CSMD1: variants seen among roughly 807,000 people sequenced by gnomAD.
CSMD1 encodes CUB and sushi domain-containing protein 1.
In CSMD1, 213 loss-of-function variants were observed where a neutral mutation model predicts 417.5. The ratio of observed to expected loss-of-function variants is 0.51; its 90% CI spans 0.46 to 0.57. The LOEUF (loss-of-function observed/expected upper bound fraction) is 0.57, where lower values mean the gene tolerates loss of function less well. CSMD1 is among the 20% of genes least tolerant of loss of function. The pLI is 0.00. For missense variants in CSMD1, 6,923 were observed against 4,529.7 expected, an observed-to-expected ratio of 1.53 and a Z score of -15.17; for synonymous variants, 2,862 against 1,736.8, an observed-to-expected ratio of 1.65 and a Z score of -16.11.
At chr8:3,728,090 A>G (rs1802599079) in intron 6 of CSMD1, among the ~76,000 whole-genome samples, 1 of 152,194 alleles carries the variant, frequency 6.6e-6, no homozygotes, top group Admixed American at 6.5e-5. Flanking sequence ...CCCAAATCTC[A>G]TCTTGAATTG....
At chr8:3,273,252 T>C (rs534143849) in intron 26 of CSMD1, among the ~76,000 whole-genome samples, 1 of 151,998 alleles carries the variant, frequency 6.6e-6, no homozygotes, top group South Asian at 2.1e-4. Flanking sequence ...TTGCGTATAT[T>C]GAACTAGCCT....
intron 9 of CSMD1, among the ~76,000 whole-genome samples, chr8:3,577,002 G>A (rs1013099077): frequency 6.6e-6 from 1 of 152,136 alleles, no homozygotes; most frequent in African/African-American, 2.4e-5. Context: ...GGCATTGTCG[G>A]CCTGCATTTC....
chr8:3,707,182 G>A (rs552661391), intron 7 of CSMD1, among the ~76,000 whole-genome samples: 40 of 152,324 alleles, frequency 2.6e-4, no homozygotes, highest in Non-Finnish European at 4.7e-4. Flanking sequence ...AAGTGATAAA[G>A]ATGTAGGTCA....
At chr8:3,693,233 T>C (rs890690810) in intron 7 of CSMD1, among the ~76,000 whole-genome samples, 1 of 152,186 alleles carries the variant, frequency 6.6e-6, no homozygotes, top group Non-Finnish European at 1.5e-5. Flanking sequence ...ACAACAGGCA[T>C]AATATGTTCT....
chr8:3,500,755 T>C (rs571671102), intron 10 of CSMD1, among the ~76,000 whole-genome samples: 1 of 152,254 alleles, frequency 6.6e-6, no homozygotes, highest in South Asian at 2.1e-4. Flanking sequence ...AGGACATGGA[T>C]AACCATGGCA....
In CSMD1 at chr8:4,142,796, G is replaced by A. The variant is rs912552968; in HGVS notation, c.416-110697C>T. ...GCAAAACAGGCTTCAACAAAGTCTC[G>A]TATTTATTTTTAAAAGCCTAACAGA... is the stretch of plus-strand genomic sequence containing the variant. On this transcript the variant is annotated intron_variant, in intron 3 of 69. Coordinates refer to ENST00000635120, the MANE Select transcript of CSMD1 (RefSeq NM_033225.6). 8.0e-5 allele frequency among the ~76,000 whole-genome samples: 12 copies of A among 150,882 alleles called. 2 individuals are homozygous for A. Among genetic ancestry groups the A allele is most frequent in the Admixed American group, 2.0e-4 (3 of 15,184 alleles).
chr8:3,548,751 A>G (rs767893793), intron 10 of CSMD1, among the ~76,000 whole-genome samples: 21 of 151,020 alleles, frequency 1.4e-4, no homozygotes, highest in Non-Finnish European at 1.6e-4. Flanking sequence ...GGTTGTTTCT[A>G]AAGAGTAAGC....
chr8:3,149,509 C>T (rs767342484), intron 40 of CSMD1, among the ~76,000 whole-genome samples: 5 of 152,108 alleles, frequency 3.3e-5, no homozygotes, highest in Non-Finnish European at 7.3e-5. Flanking sequence ...GACAGAGTCT[C>T]GCTCTGTCAC....
chr8:3,911,585 G>A (rs1020494127), intron 5 of CSMD1, among the ~76,000 whole-genome samples: 1 of 151,324 alleles, frequency 6.6e-6, no homozygotes, highest in South Asian at 2.1e-4. Flanking sequence ...AACACCAGCT[G>A]GTCTTTATAT....
chr8:4,730,273 C>T (rs757616552), intron 1 of CSMD1, among the ~76,000 whole-genome samples: 6 of 152,014 alleles, frequency 3.9e-5, no homozygotes, highest in Non-Finnish European at 8.8e-5. Flanking sequence ...TCAGGGAACT[C>T]AGAACAACTG....
At chr8:3,381,502 T>G (rs1810623053) in intron 18 of CSMD1, among the ~76,000 whole-genome samples, 1 of 152,186 alleles carries the variant, frequency 6.6e-6, no homozygotes, top group South Asian at 2.1e-4. Flanking sequence ...CAGTTACACA[T>G]GAAGAAAACT....
At chr8:4,492,266 G>A (rs756072292) in intron 2 of CSMD1, among the ~76,000 whole-genome samples, 2 of 152,032 alleles carry the variant, frequency 1.3e-5, no homozygotes, top group Non-Finnish European at 2.9e-5. Context: ...ACGATTTAAT[G>A]TTTTGTCTAC....
In CSMD1 at chr8:4,994,767, C is replaced by G. The variant is rs934644395; in HGVS notation, c.-351G>C. On this transcript the variant is annotated 5_prime_UTR_variant, in exon 1 of 70. Transcript: ENST00000635120. ...GAGGAGCGCGCGCAGCCAGGAGAGA[C>G]CTGGAGAGGAGGCAGCTGGAGAGAG... The G allele has an allele frequency of 4.0e-6, 1 of 252,864 alleles. No homozygotes were observed. 15.7% of individuals were successfully genotyped at this position (252,864 alleles called of 1,614,324 possible).
In CSMD1 at chr8:3,168,115, G is replaced by A. The variant is rs148347917; in HGVS notation, c.5726-5838C>T. Among the ~76,000 whole-genome samples the A allele has an allele frequency of 3.1e-4, 47 of 151,918 alleles. No homozygotes were observed. The East Asian group carries it at 7.6e-3, about 24-fold the overall frequency. ...CAAAACAAAAAAGTTGATAAGCAGA[G>A]AGTGAGGGAAGCAGACCCATGTGAA... On this transcript the variant is annotated intron_variant, in intron 37 of 69. Transcript: ENST00000635120.
intron 3 of CSMD1, among the ~76,000 whole-genome samples, chr8:4,045,283 T>C (rs1015547835): frequency 2.6e-5 from 4 of 152,206 alleles, no homozygotes; most frequent in African/African-American, 7.2e-5. Flanking sequence ...TCCCCACATA[T>C]ACTACAGGAA....
At chr8:3,413,902 G>C (rs1247035690) in intron 12 of CSMD1, among the ~76,000 whole-genome samples, 4 of 151,972 alleles carry the variant, frequency 2.6e-5, no homozygotes, top group African/African-American at 9.7e-5. Flanking sequence ...ACTTTGGAAG[G>C]CCGAGGTGGG....
At position 3,091,623 on chromosome 8, in the gene CSMD1, C is replaced by G. The variant is rs1814955412; in HGVS notation, c.7178G>C (p.Gly2393Ala). 6.2e-7 allele frequency: 1 copy of G among 1,611,342 alleles called. No homozygotes were observed. ...AAAATTTGATTGTTCAGTATGATTC[C>G]CACTTAAGACTACTAGCAGAGGACT... Reference protein sequence around the residue: ...GQSPLLVVLSGNHTEQSNFTS... With the variant: ...GQSPLLVVLSANHTEQSNFTS... The change falls in exon 48 of 70, where the codon GGG becomes GCG. Residue 2393 changes from glycine to alanine, a missense_variant. Physicochemically the swap from Gly to Ala is moderately conservative, Grantham distance 60. Coordinates refer to ENST00000635120, the MANE Select transcript of CSMD1 (RefSeq NM_033225.6).
chr8:2,950,615 A>T (rs1025247813), intron 66 of CSMD1, among the ~76,000 whole-genome samples: 2 of 152,298 alleles, frequency 1.3e-5, no homozygotes, highest in South Asian at 4.1e-4. Flanking sequence ...AAAATAACAT[A>T]TTTGATTTTG....
chr8:4,942,808 T>C (rs1808099695), intron 1 of CSMD1, among the ~76,000 whole-genome samples: 2 of 152,224 alleles, frequency 1.3e-5, no homozygotes, highest in African/African-American at 2.4e-5. Context: ...GCAACTTAAA[T>C]GAAGCTGTGA....
Sources: allele counts gnomAD v4.1 joint callset (sites outside exome capture counted in the v4.1 genomes callset), GRCh38; gene constraint gnomAD v4.1.1; transcripts MANE v1.5; gene names NCBI Gene and HGNC (gene_info 2026-07-23, HGNC 2026-07-21).